Variants in SLC8A1 observed in about 807,000 individuals in gnomAD.
SLC8A1 encodes sodium/calcium exchanger 1.
In SLC8A1, 18 loss-of-function variants were observed where a neutral mutation model predicts 68.3. The ratio of observed to expected loss-of-function variants is 0.26; its 90% CI spans 0.18 to 0.39. The LOEUF is 0.39. Among genes scored for constraint, SLC8A1 ranks in the 10% least tolerant of loss-of-function variants. The pLI is 1.00. For synonymous variants in SLC8A1, 475 were observed against 415.5 expected (o/e 1.14, Z -1.74); for missense variants, 985 against 1,156.7 (o/e 0.85, Z 2.15).
At chr2:40,454,560 T>A (rs1702887737), upstream of SLC8A1, among the ~76,000 whole-genome samples, 1 of 149,496 alleles carries the variant, frequency 6.7e-6, no homozygotes, top group East Asian at 2.0e-4. Context: ...TCTTTTCCAA[T>A]CGAAACTGCT....
chr2:40,380,498 C>A (rs546134409), intron 2 of SLC8A1, among the ~76,000 whole-genome samples: 20 of 151,910 alleles, frequency 1.3e-4, no homozygotes, highest in African/African-American at 4.8e-4. Flanking sequence ...TTTTTTAACA[C>A]CAAGGACTAT....
At chr2:40,336,812 TG>T (rs1666127686) in intron 2 of SLC8A1, among the ~76,000 whole-genome samples, 1 of 152,196 alleles carries the variant, frequency 6.6e-6, no homozygotes, top group African/African-American at 2.4e-5. Context: ...TAGACTGTGG[TG>T]TCAGAGATGT....
At chr2:40,229,970 G>A (rs909540114) in intron 2 of SLC8A1, among the ~76,000 whole-genome samples, 1 of 152,074 alleles carries the variant, frequency 6.6e-6, no homozygotes, top group Non-Finnish European at 1.5e-5. Context: ...ATTGTTCTAT[G>A]AAAAATCTTA....
chr2:40,383,404 A>T (rs1682547394), intron 2 of SLC8A1, among the ~76,000 whole-genome samples: 1 of 152,114 alleles, frequency 6.6e-6, no homozygotes, highest in African/African-American at 2.4e-5. Context: ...TTGACACAGG[A>T]ACCATCCCAA....
intron 1 of SLC8A1, among the ~76,000 whole-genome samples, chr2:40,435,149 T>C (rs113803007): frequency 0.018 from 2,805 of 152,314 alleles, 43 homozygotes; most frequent in Non-Finnish European, 0.03. Flanking sequence ...AACTCCTTGA[T>C]GGCCTTCATC....
intron 2 of SLC8A1, among the ~76,000 whole-genome samples, chr2:40,216,431 ACTG>A (rs2057496990): frequency 6.6e-6 from 1 of 151,974 alleles, no homozygotes; most frequent in African/African-American, 2.4e-5. Context: ...TGGCTCCATG[ACTG>A]CTATTGGAAA....
intron 2 of SLC8A1, among the ~76,000 whole-genome samples, chr2:40,237,987 G>A (rs1399946854): frequency 6.6e-6 from 1 of 152,096 alleles, no homozygotes; most frequent in Non-Finnish European, 1.5e-5. Context: ...TGCGTGCTGG[G>A]AGAACCACTG....
At chr2:40,270,936 C>T (rs1225549868) in intron 2 of SLC8A1, among the ~76,000 whole-genome samples, 3 of 152,138 alleles carry the variant, frequency 2.0e-5, no homozygotes, top group Non-Finnish European at 4.4e-5. Flanking sequence ...CTAACGCCCT[C>T]TTTCATTTTA....
At chr2:40,465,914 A>T (rs967836068) in intron 1 of SLC8A1, among the ~76,000 whole-genome samples, 29 of 152,130 alleles carry the variant, frequency 1.9e-4, no homozygotes, top group African/African-American at 6.3e-4. Context: ...TCTTTTGGGG[A>T]GTGGATTTTC....
intron 2 of SLC8A1, among the ~76,000 whole-genome samples, chr2:40,370,463 GTGT>G (rs1677664909): frequency 6.6e-6 from 1 of 151,958 alleles, no homozygotes; most frequent in African/African-American, 2.4e-5. Context: ...CACTTTCCTA[GTGT>G]TGTTTTAAAG....
At chr2:40,223,512 TA>T (rs1177226504) in intron 2 of SLC8A1, 1 of 152,058 alleles carries the variant, frequency 6.6e-6, no homozygotes, top group Non-Finnish European at 1.5e-5. Context: ...ACTTAAAGTA[TA>T]TATTAAAAAA....
chr2:40,370,086 C>T (rs1677555111), intron 2 of SLC8A1, among the ~76,000 whole-genome samples: 1 of 152,190 alleles, frequency 6.6e-6, no homozygotes, highest in Middle Eastern at 3.4e-3. Flanking sequence ...ATTTTAATAG[C>T]TTCACATGTG....
intron 7 of SLC8A1, chr2:40,120,860 C>G (rs954044473): frequency 6.6e-6 from 1 of 152,146 alleles, no homozygotes; most frequent in Non-Finnish European, 1.5e-5. Context: ...TTCATTGATA[C>G]GAGTGAAGCC....
At chr2:40,357,395 G>A (rs1022444804) in intron 2 of SLC8A1, among the ~76,000 whole-genome samples, 2 of 151,252 alleles carry the variant, frequency 1.3e-5, no homozygotes, top group Non-Finnish European at 2.9e-5. Flanking sequence ...TACTTAGGAG[G>A]CAGAGGTGGG....
At chr2:40,420,098 A>G (rs565443439) in intron 2 of SLC8A1, among the ~76,000 whole-genome samples, 33 of 152,298 alleles carry the variant, frequency 2.2e-4, no homozygotes, top group African/African-American at 7.0e-4. Flanking sequence ...TTCAGAAATA[A>G]GAATGACTTG....
chr2:40,296,079 T>C (rs2070328021), intron 2 of SLC8A1, among the ~76,000 whole-genome samples: 1 of 152,190 alleles, frequency 6.6e-6, no homozygotes, highest in Non-Finnish European at 1.5e-5. Flanking sequence ...CAAAACCTAA[T>C]AATTTACTCA....
chr2:40,175,281 G>T (rs1261860971), intron 3 of SLC8A1: 5 of 1,612,884 alleles, frequency 3.1e-6, no homozygotes, highest in Non-Finnish European at 4.2e-6. Flanking sequence ...CAATAACAGG[G>T]CTGTGAAGGA....
intron 2 of SLC8A1, among the ~76,000 whole-genome samples, chr2:40,217,718 T>C (rs2057711460): frequency 6.6e-6 from 1 of 152,188 alleles, no homozygotes; most frequent in Non-Finnish European, 1.5e-5. Flanking sequence ...GCTAAAATTA[T>C]CCCATCTGTC....
chr2:40,440,811 T>C (rs113372325), intron 1 of SLC8A1, among the ~76,000 whole-genome samples: 3,764 of 152,204 alleles, frequency 0.025, 129 homozygotes, highest in African/African-American at 0.086. Context: ...GGCAAGCCAA[T>C]AGCCAATATC....
Sources: allele counts gnomAD v4.1 joint callset (sites outside exome capture counted in the v4.1 genomes callset), GRCh38; gene constraint gnomAD v4.1.1; transcripts MANE v1.5; gene names NCBI Gene and HGNC (gene_info 2026-07-23, HGNC 2026-07-21).